NSL1: variants seen among roughly 807,000 people sequenced by gnomAD.
The protein encoded by NSL1 is kinetochore-associated protein NSL1 homolog.
Under a neutral mutation model 25.4 loss-of-function variants are expected in NSL1, and 11 were observed. The ratio of observed to expected loss-of-function variants is 0.43; its 90% CI spans 0.27 to 0.72. The LOEUF (loss-of-function observed/expected upper bound fraction) is 0.72. Among genes scored for constraint, NSL1 ranks in the 30% least tolerant of loss-of-function variants. NSL1 has a pLI of 0.19. For missense variants in NSL1, 330 were observed against 342.7 expected, an observed-to-expected ratio of 0.96 and a Z score of 0.29; for synonymous variants, 118 against 120.6, an observed-to-expected ratio of 0.98 and a Z score of 0.14.
chr1:212,784,659 G>A (rs777649825), intron 2 of NSL1, among the ~76,000 whole-genome samples, 166 bp from the exon 3 acceptor site: 7 of 152,138 alleles, frequency 4.6e-5, no homozygotes, highest in Admixed American at 2.0e-4. Flanking sequence ...ATTTATTTAC[G>A]CATTGAACAA....
At position 212,759,968 on chromosome 1, in the gene NSL1, G is replaced by A. The variant is rs1032863067; in HGVS notation, c.500-20367C>T. On this transcript the variant is annotated intron_variant, in intron 4 of 5. Transcript: ENST00000366977. ...GGCATGTGCCTTTAGTGTGCCTAGG[G>A]ACAGGCCCACCCAGATGCTGTCCTG... Among the ~76,000 whole-genome samples the A allele has an allele frequency of 2.0e-5, 3 of 152,052 alleles. No individual in the cohort carries two copies. In the East Asian group the frequency reaches 5.8e-4, roughly 29 times the overall value.
chr1:212,765,858 T>C (rs529746975), intron 4 of NSL1, among the ~76,000 whole-genome samples: 2 of 151,120 alleles, frequency 1.3e-5, no homozygotes, highest in Admixed American at 6.6e-5. Flanking sequence ...ACCCTCGGGC[T>C]GGGCGCAGTG....
At chr1:212,745,177 T>G (rs1344704398) in intron 4 of NSL1, among the ~76,000 whole-genome samples, 1 of 51,606 alleles carries the variant, frequency 1.9e-5, no homozygotes, top group Admixed American at 1.7e-4. Flanking sequence ...TATATATATA[T>G]ATATATATAT....
chr1:212,729,619 A>G lies in NSL1; in HGVS notation c.*8789T>C. On this transcript the variant is annotated 3_prime_UTR_variant, in exon 6 of 6. Transcript: ENST00000366977. ...GATCAGAGGCAGGCACACAGGGCAT[A>G]GACAGAATATGACAAGTCAGAGAGA... is the stretch of plus-strand genomic sequence containing the variant. 1 of 985,422 alleles carries G rather than the reference A, an allele frequency of 1.0e-6. No individual in the cohort carries two copies. The highest frequency in any genetic ancestry group is 5.2e-4 in the Middle Eastern group (1 of 1,912). 61.0% of individuals were successfully genotyped at this position (985,422 alleles called of 1,614,324 possible).
In NSL1 at chr1:212,758,929, GGACA is replaced by G. The variant is rs1424941856; in HGVS notation, c.500-19332_500-19329del. ...TCAAGACAGTGTAGTAGTGGCCTAA[GGACA>G]GACAAAGATCAATGAAACAGAATTG... On this transcript the variant is annotated intron_variant, in intron 4 of 5. Transcript: ENST00000366977. Among the ~76,000 whole-genome samples, 3 of 152,150 alleles carry G rather than the reference GGACA, an allele frequency of 2.0e-5. No individual in the cohort carries two copies. In the South Asian group the frequency reaches 6.2e-4, roughly 31 times the overall value.
At position 212,726,956 on chromosome 1, in the gene NSL1, A is replaced by C. The variant is rs1657815210; in HGVS notation, c.*11452T>G. ...CCGTCCTGTCTCTTCATGGTGGGTG[A>C]AGAGCACAGGGAGAGTGTGCTTCCT... On this transcript the variant is annotated 3_prime_UTR_variant, in exon 6 of 6. Transcript: ENST00000366977. 3.6e-6 allele frequency: 2 copies of C among 555,732 alleles called. No individual in the cohort carries two copies. The highest frequency in any genetic ancestry group is 6.0e-6 in the Non-Finnish European group (2 of 333,910). 34.4% of individuals were successfully genotyped at this position (555,732 alleles called of 1,614,324 possible). A position where few individuals can be genotyped will look rare whatever the true frequency, so the allele number is the denominator to read the frequency against.
Position 212,745,463 on chromosome 1 carries a change from CAA to C in NSL1, c.500-5864_500-5863del, listed in dbSNP as rs201096622. On this transcript the variant is annotated intron_variant, in intron 4 of 5. Coordinates refer to ENST00000366977, the MANE Select transcript of NSL1 (RefSeq NM_015471.4). Reference sequence around the variant, plus strand: ...GCTAAAGACAGAATCCTGAAAGCAACAAGAGAGAAGTGATTCATTACATATAA... The same window carrying C: ...GCTAAAGACAGAATCCTGAAAGCAACGAGAGAAGTGATTCATTACATATAA... Among the ~76,000 whole-genome samples the C allele has an allele frequency of 4.5e-4, 69 of 152,030 alleles. 1 individual carries two copies. In the East Asian group the frequency reaches 0.011, roughly 24 times the overall value.
chr1:212,735,602 T>A lies in NSL1; in HGVS notation c.*2806A>T. On this transcript the variant is annotated 3_prime_UTR_variant, in exon 6 of 6. Transcript: ENST00000366977. ...CCCTAAAATCTGTATGATGAAGCCT[T>A]AACTCCCATGTGCCTATAGCTGTAT... is the stretch of plus-strand genomic sequence containing the variant. 2.3e-6 allele frequency: 2 copies of A among 886,022 alleles called. No homozygotes were observed. The highest frequency in any genetic ancestry group is 2.7e-6 in the Non-Finnish European group (2 of 739,322). The allele number at this position is 886,022 out of a possible 1,614,324, so 54.9% of individuals were successfully genotyped here. A position where few individuals can be genotyped will look rare whatever the true frequency, so the allele number is the denominator to read the frequency against.
Position 212,728,328 on chromosome 1 carries a change from T to C in NSL1, c.*10080A>G, listed in dbSNP as rs1184096985. The C allele has an allele frequency of 3.0e-6, 3 of 985,180 alleles. No individual in the cohort carries two copies. Among genetic ancestry groups the C allele is most frequent in the Non-Finnish European group, 3.6e-6 (3 of 829,766 alleles). 61.0% of individuals were successfully genotyped at this position (985,180 alleles called of 1,614,324 possible). On this transcript the variant is annotated 3_prime_UTR_variant, in exon 6 of 6. Coordinates refer to ENST00000366977, the MANE Select transcript of NSL1 (RefSeq NM_015471.4). The stretch of plus-strand genomic sequence containing the variant: ...TTCCAGGCATAAAGTGGATTCTTTA[T>C]ATGCCTGTTTTAAAAATATGCTGCT...
chr1:212,767,181 A>T (rs1659859896), intron 4 of NSL1, among the ~76,000 whole-genome samples: 1 of 152,346 alleles, frequency 6.6e-6, no homozygotes, highest in South Asian at 2.1e-4. Flanking sequence ...ACATTATCTG[A>T]CTTCAAACTA....
rs1484777795 is a variant in NSL1 at position 212,735,179 on chromosome 1, C to T, written c.*3229G>A. ...GCTCAGAGACTATGCTCTTTAAGATCTCTGACTTTTGATCATAGACAGGTT... is the reference window on the plus strand; with the variant it reads ...GCTCAGAGACTATGCTCTTTAAGATTTCTGACTTTTGATCATAGACAGGTT... On this transcript the variant is annotated 3_prime_UTR_variant, in exon 6 of 6. Transcript: ENST00000366977. 1.2e-5 allele frequency: 5 copies of T among 420,314 alleles called. No individual in the cohort carries two copies. Among genetic ancestry groups the T allele is most frequent in the African/African-American group, 2.2e-5 (1 of 46,238 alleles). 26.0% of individuals were successfully genotyped at this position (420,314 alleles called of 1,614,324 possible). A position where few individuals can be genotyped will look rare whatever the true frequency, so the allele number is the denominator to read the frequency against.
chr1:212,750,251 G>A (rs886445333), intron 4 of NSL1, among the ~76,000 whole-genome samples: 1 of 152,056 alleles, frequency 6.6e-6, no homozygotes, highest in South Asian at 2.1e-4. Context: ...CGAAGGGAGA[G>A]GGAAATCTTC....
chr1:212,771,848 A>C (rs528217166), intron 4 of NSL1, among the ~76,000 whole-genome samples: 9 of 152,304 alleles, frequency 5.9e-5, no homozygotes, highest in African/African-American at 2.2e-4. Flanking sequence ...CACTATTAAA[A>C]GCAATTGAAG....
intron 5 of NSL1, among the ~76,000 whole-genome samples, chr1:212,738,988 C>A (rs1658370292): frequency 6.6e-6 from 1 of 152,132 alleles, no homozygotes; most frequent in Non-Finnish European, 1.5e-5. Flanking sequence ...GTCTTGAACT[C>A]CTGACCTCAG....
rs1399827239 is a variant in NSL1 at position 212,733,768 on chromosome 1, T to C, written c.*4640A>G. On this transcript the variant is annotated 3_prime_UTR_variant, in exon 6 of 6. Transcript: ENST00000366977. ...AAGTTCAACCTGCTGCTACAAACAT[T>C]TGTGTGTAAGTTATTGTGTGAGCAT... Among the ~76,000 whole-genome samples the C allele has an allele frequency of 1.3e-5, 2 of 152,208 alleles. No individual in the cohort carries two copies. Among genetic ancestry groups the C allele is most frequent in the Non-Finnish European group, 2.9e-5 (2 of 68,042 alleles).
In NSL1 at chr1:212,736,443, T is replaced by C. The variant is rs958551445; in HGVS notation, c.*1965A>G. 2.0e-6 allele frequency: 2 copies of C among 985,172 alleles called. No individual in the cohort carries two copies. Among genetic ancestry groups the C allele is most frequent in the Non-Finnish European group, 2.4e-6 (2 of 829,788 alleles). The allele number at this position is 985,172 out of a possible 1,614,324, so 61.0% of individuals were successfully genotyped here. ...TTTCCAATTCCTTAAAACTACAGAC[T>C]TTCTTGCTTTTAATCCTTAGCTTAC... On this transcript the variant is annotated 3_prime_UTR_variant, in exon 6 of 6. Coordinates refer to ENST00000366977, the MANE Select transcript of NSL1 (RefSeq NM_015471.4).
intron 4 of NSL1, chr1:212,766,213 G>A (rs1659807368): frequency 1.5e-6 from 1 of 652,520 alleles, no homozygotes; most frequent in Non-Finnish European, 2.8e-6. Flanking sequence ...AACCATATAT[G>A]ACAAATCCAC....
rs1013134922 is a variant in NSL1, at chr1:212,736,459, C to T, written c.*1949G>A. The stretch of plus-strand genomic sequence containing the variant: ...ACTACAGACTTTCTTGCTTTTAATC[C>T]TTAGCTTACTAGTTCTTGGCCTATG... On this transcript the variant is annotated 3_prime_UTR_variant, in exon 6 of 6. Coordinates refer to ENST00000366977, the MANE Select transcript of NSL1 (RefSeq NM_015471.4). The T allele has an allele frequency of 8.1e-6, 8 of 985,202 alleles. 1 individual carries two copies. The South Asian group carries it at 2.8e-4, about 35-fold the overall frequency. The allele number at this position is 985,202 out of a possible 1,614,324, so 61.0% of individuals were successfully genotyped here. A position where few individuals can be genotyped will look rare whatever the true frequency, so the allele number is the denominator to read the frequency against.
In NSL1 at chr1:212,736,631, A is replaced by G. The variant is rs1471482959; in HGVS notation, c.*1777T>C. ...AAACTCTGCTATAACTATGGAGTAAAACTTTGGGCTCTCAAGAGGATTTCA... is the reference window on the plus strand; with the variant it reads ...AAACTCTGCTATAACTATGGAGTAAGACTTTGGGCTCTCAAGAGGATTTCA... On this transcript the variant is annotated 3_prime_UTR_variant, in exon 6 of 6. Coordinates refer to ENST00000366977, the MANE Select transcript of NSL1 (RefSeq NM_015471.4). 8.1e-6 allele frequency: 8 copies of G among 985,252 alleles called. No homozygotes were observed. The highest frequency in any genetic ancestry group is 9.6e-6 in the Non-Finnish European group (8 of 829,864). 61.0% of individuals were successfully genotyped at this position (985,252 alleles called of 1,614,324 possible).
Sources: allele counts gnomAD v4.1 joint callset (sites outside exome capture counted in the v4.1 genomes callset), GRCh38; gene constraint gnomAD v4.1.1; transcripts MANE v1.5; gene names NCBI Gene and HGNC (gene_info 2026-07-23, HGNC 2026-07-21).